The following TMEM230 variants were observed in gnomAD, a reference collection of about 807,000 sequenced individuals.
TMEM230 encodes transmembrane protein 230, also known as UPF0414 transmembrane protein C20orf30.
TMEM230 carries 10 observed loss-of-function variants against 15.8 expected under a neutral mutation model. The ratio of observed to expected loss-of-function variants is 0.63; its 90% CI spans 0.39 to 1.07. TMEM230 has a LOEUF of 1.07. TMEM230 is among the 50% of genes least tolerant of loss of function. The pLI, the probability that TMEM230 is intolerant of heterozygous loss-of-function variation, is 0.01. For synonymous variants in TMEM230, 67 were observed against 76.9 expected (o/e 0.87, Z 0.68); for missense variants, 165 against 193.3 (o/e 0.85, Z 0.87).
In TMEM230 at chr20:5,100,618, T is replaced by A; in HGVS notation, c.*173A>T. The A allele has an allele frequency of 7.1e-7, 1 of 1,410,612 alleles. No homozygotes were observed. Among genetic ancestry groups the A allele is most frequent in the Non-Finnish European group, 9.2e-7 (1 of 1,084,758 alleles). The allele number at this position is 1,410,612 out of a possible 1,614,324, so 87.4% of individuals were successfully genotyped here. On this transcript the variant is annotated 3_prime_UTR_variant, in exon 5 of 5. Coordinates refer to ENST00000342308, the MANE Select transcript of TMEM230 (RefSeq NM_001009923.2). The stretch of plus-strand genomic sequence containing the variant: ...GATGAAAAATAGAGCTTGTCCTAAT[T>A]AGCTAACTGTAGGTTCACTTAACAT...
intron 3 of TMEM230, among the ~76,000 whole-genome samples, chr20:5,087,237 G>C (rs1237259104): frequency 6.6e-6 from 1 of 152,112 alleles, no homozygotes; most frequent in Non-Finnish European, 1.5e-5. Context: ...AGAAGACAGA[G>C]ACACCATCAC....
At chr20:5,059,230 A>C in the TMEM230 span, among the ~76,000 whole-genome samples, 2 of 151,594 alleles carry the variant, frequency 1.3e-5, no homozygotes, top group Non-Finnish European at 2.9e-5. Context: ...TGGTGTGATC[A>C]TGGCTCACTA....
rs531414363 is a variant in TMEM230, at chr20:5,106,074, GACAA to G, written c.411+110_411+113del. ...TCAAAAAAAACAGACCACTGGGACG[GACAA>G]ACACACACACACACACACACACACA... On this transcript the variant is annotated intron_variant, in intron 4 of 4. Transcript: ENST00000342308. 0.035 allele frequency: 40,681 copies of G among 1,166,158 alleles called. 2,654 individuals carry two copies. The highest frequency in any genetic ancestry group is 0.047 in the Middle Eastern group (145 of 3,056). 72.2% of individuals were successfully genotyped at this position (1,166,158 alleles called of 1,614,324 possible).
chr20:5,073,429 CT>C (rs1189138523), intron 3 of TMEM230, among the ~76,000 whole-genome samples: 1 of 152,204 alleles, frequency 6.6e-6, no homozygotes, highest in African/African-American at 2.4e-5. Context: ...GGGAACTTCA[CT>C]GTGTATCCTG....
rs111727397 is a variant in TMEM230, at chr20:5,103,118, C to T, written c.412-2187G>A. 7.5e-3 allele frequency among the ~76,000 whole-genome samples: 1,144 copies of T among 152,274 alleles called. 19 individuals carry two copies. Among genetic ancestry groups the T allele is most frequent in the African/African-American group, 0.025 (1,041 of 41,560 alleles). On this transcript the variant is annotated intron_variant, in intron 4 of 4. Coordinates refer to ENST00000342308, the MANE Select transcript of TMEM230 (RefSeq NM_001009923.2). ...GTGGCTCACGCCTGTAATCCCAGTA[C>T]TTTGGGAGGCTAGGGTGGGCCTCAC... is the stretch of plus-strand genomic sequence containing the variant.
At chr20:5,094,428 G>C (rs1014139146) in intron 3 of TMEM230, among the ~76,000 whole-genome samples, 2 of 151,456 alleles carry the variant, frequency 1.3e-5, no homozygotes, top group Non-Finnish European at 2.9e-5. Context: ...AAAATTTTTG[G>C]CCAGGCATGG....
rs189112443 is a variant in TMEM230 at position 5,080,679 on chromosome 20, G to A, written c.223-11330C>T. ...CCTCCCGGATTCAAGTGATTCTCCC[G>A]CCTCAGCCTCCTTAATAGCTGGGTC... On this transcript the variant is annotated intron_variant, in intron 3 of 3. Transcript: ENST00000612323. Among the ~76,000 whole-genome samples the A allele has an allele frequency of 6.6e-5, 10 of 151,668 alleles. No homozygotes were observed. In the East Asian group the frequency reaches 1.4e-3, roughly 21 times the overall value.
At chr20:5,082,698 C>A (rs1314056523) in intron 3 of TMEM230, among the ~76,000 whole-genome samples, 1 of 152,120 alleles carries the variant, frequency 6.6e-6, no homozygotes, top group African/African-American at 2.4e-5. Context: ...CTCACCTTGG[C>A]CTCCCAAAAT....
At chr20:5,107,346 A>G (rs2090135723) in intron 3 of TMEM230, among the ~76,000 whole-genome samples, 1 of 152,138 alleles carries the variant, frequency 6.6e-6, no homozygotes, top group East Asian at 1.9e-4. Context: ...GAACCAAACT[A>G]GATACTTTAT....
intron 3 of TMEM230, among the ~76,000 whole-genome samples, chr20:5,106,543 A>C (rs770573867): frequency 5.3e-5 from 8 of 152,062 alleles, no homozygotes; most frequent in Non-Finnish European, 1.0e-4. Flanking sequence ...AGCTGGGGTT[A>C]CAGGTGCCCG....
chr20:5,069,494 G>A, intron 3 of TMEM230: 3 of 797,648 alleles, frequency 3.8e-6, no homozygotes, highest in Non-Finnish European at 1.9e-6. Flanking sequence ...AGGAGCTCAA[G>A]ATCTACTTGT....
chr20:5,091,436 C>A (rs1325792811), intron 3 of TMEM230, among the ~76,000 whole-genome samples: 1 of 152,100 alleles, frequency 6.6e-6, no homozygotes, highest in Non-Finnish European at 1.5e-5. Context: ...GTCTTGAACT[C>A]CTGACCTCAG....
downstream of TMEM230, chr20:5,099,789 T>C: frequency 3.3e-6 from 3 of 908,124 alleles, no homozygotes; most frequent in Non-Finnish European, 4.0e-6. Flanking sequence ...ACCTAGAAAC[T>C]AAGGTAGATC....
At chr20:5,067,769 T>TTA (rs1201098886), downstream of TMEM230, among the ~76,000 whole-genome samples, 13 of 148,412 alleles carry the variant, frequency 8.8e-5, 1 homozygote, top group African/African-American at 2.7e-4. Context: ...CTGCTTTTTT[T>TTA]TTTTTTTTAA....
At chr20:5,101,648 G>A (rs1015566958) in intron 4 of TMEM230, among the ~76,000 whole-genome samples, 5 of 152,160 alleles carry the variant, frequency 3.3e-5, no homozygotes, top group Admixed American at 2.6e-4. Flanking sequence ...GGCTGGTCTC[G>A]AACTCTGGGG....
chr20:5,092,093 C>G (rs928751414), intron 3 of TMEM230, among the ~76,000 whole-genome samples: 2 of 152,174 alleles, frequency 1.3e-5, no homozygotes, highest in Non-Finnish European at 2.9e-5. Flanking sequence ...GTGCCTGCCT[C>G]CTTTGTTTTC....
At chr20:5,061,956 C>T in the TMEM230 span, among the ~76,000 whole-genome samples, 1 of 152,092 alleles carries the variant, frequency 6.6e-6, no homozygotes, top group African/African-American at 2.4e-5. Context: ...CGTGGTGGCT[C>T]ATGCCTGTAA....
At chr20:5,074,290 C>T (rs2088919314) in intron 3 of TMEM230, among the ~76,000 whole-genome samples, 1 of 152,076 alleles carries the variant, frequency 6.6e-6, no homozygotes, top group Non-Finnish European at 1.5e-5. Context: ...TCTTTCTCTC[C>T]CTACCAGGAA....
exon 4 of TMEM230, chr20:5,069,203 C>T: frequency 6.5e-7 from 1 of 1,533,004 alleles, no homozygotes; most frequent in South Asian, 1.2e-5. Flanking sequence ...CAGGTGATGA[C>T]ACCTGTGTTC....
Sources: allele counts gnomAD v4.1 joint callset (sites outside exome capture counted in the v4.1 genomes callset), GRCh38; gene constraint gnomAD v4.1.1; transcripts MANE v1.5; gene names NCBI Gene and HGNC (gene_info 2026-07-23, HGNC 2026-07-21).